DST: variants seen among roughly 807,000 people sequenced by gnomAD.
DST encodes dystonin.
Under a neutral mutation model 875.2 loss-of-function variants are expected in DST, and 253 were observed. The observed-to-expected ratio is 0.29, with a 90% confidence interval of 0.26 to 0.32. The LOEUF is 0.32. Ranked by LOEUF, DST falls within the 10% of genes least tolerant of loss-of-function variation. DST has a pLI of 1.00. For missense variants in DST, 8,287 were observed against 9,111.6 expected, an observed-to-expected ratio of 0.91 and a Z score of 3.68; for synonymous variants, 3,124 against 3,197.1, an observed-to-expected ratio of 0.98 and a Z score of 0.77.
At chr6:56,618,040 C>G in intron 36 of DST, 1 of 1,614,132 alleles carries the variant, frequency 6.2e-7, no homozygotes, top group Non-Finnish European at 8.5e-7. Context: ...TATCTTGATA[C>G]CTAACAGGTG....
chr6:56,531,488 C>A (rs2096894724), intron 64 of DST, among the ~76,000 whole-genome samples: 1 of 152,148 alleles, frequency 6.6e-6, no homozygotes, highest in Non-Finnish European at 1.5e-5. Flanking sequence ...AGATTTTTCA[C>A]CTCTTTGGGA....
chr6:56,808,151 C>T (rs1036259029), intron 4 of DST, among the ~76,000 whole-genome samples: 3 of 152,048 alleles, frequency 2.0e-5, no homozygotes, highest in African/African-American at 4.8e-5. Flanking sequence ...TGAGCTATGA[C>T]GTCATCCAAG....
intron 22 of DST, among the ~76,000 whole-genome samples, chr6:56,636,955 C>T (rs774088229): frequency 4.6e-5 from 7 of 152,086 alleles, no homozygotes; most frequent in South Asian, 2.1e-4. Context: ...TGGTGGCACG[C>T]GCCTGTGATC....
chr6:56,769,817 C>T (rs1402158831), intron 4 of DST, among the ~76,000 whole-genome samples: 1 of 152,146 alleles, frequency 6.6e-6, no homozygotes, highest in Admixed American at 6.6e-5. Flanking sequence ...CAAGTTGAGA[C>T]CCCGTTTCAC....
chr6:56,611,259 T>C (rs947521655), intron 38 of DST, among the ~76,000 whole-genome samples: 2 of 152,190 alleles, frequency 1.3e-5, no homozygotes, highest in African/African-American at 4.8e-5. Flanking sequence ...TGCTATTAAT[T>C]CTTACCTCTC....
intron 55 of DST, among the ~76,000 whole-genome samples, chr6:56,565,111 T>C (rs2097645605): frequency 6.6e-6 from 1 of 150,952 alleles, no homozygotes; most frequent in South Asian, 2.1e-4. Context: ...CTTTCTCTTT[T>C]CTTTTTTTTT....
At chr6:56,857,931 G>T (rs1768817586) in intron 3 of DST, among the ~76,000 whole-genome samples, 1 of 152,188 alleles carries the variant, frequency 6.6e-6, no homozygotes, top group Non-Finnish European at 1.5e-5. Context: ...ACTCCTTGAA[G>T]AAAAAATGAG....
Position 56,604,675 on chromosome 6 carries a change from T to C in DST, c.9953A>G (p.Asn3318Ser), listed in dbSNP as rs2098478172. The C allele has an allele frequency of 1.2e-6, 2 of 1,611,774 alleles. No homozygotes were observed. Among genetic ancestry groups the C allele is most frequent in the Non-Finnish European group, 1.7e-6 (2 of 1,178,586 alleles). ...CTGTTGCTCAATTCTTTCTTTCTTA[T>C]TATTAATTTCTAAGAATGAATAGTC... Reference protein sequence around the residue: ...NTDYSFLEINNKKERIEQQLP... With the variant: ...NTDYSFLEINSKKERIEQQLP... The change falls in exon 40 of 104, where the codon AAT (asparagine) becomes AGT (serine). Residue 3318 changes from asparagine (N) to serine (S), a missense_variant. Asn to Ser is a conservative substitution (Grantham distance 46). Around this residue, in one of 10 missense-constraint regions of DST, gnomAD observed 3,138 missense variants for 3,116.6 expected, o/e 1.01. Transcript: ENST00000680361.
At chr6:56,820,239 A>G (rs922985051) in intron 4 of DST, among the ~76,000 whole-genome samples, 1 of 152,256 alleles carries the variant, frequency 6.6e-6, no homozygotes, top group African/African-American at 2.4e-5. Context: ...TGCTTTGAGG[A>G]TGACATAATT....
chr6:56,662,651 CT>C (rs1237997470), intron 10 of DST, among the ~76,000 whole-genome samples: 1 of 152,000 alleles, frequency 6.6e-6, no homozygotes, highest in Non-Finnish European at 1.5e-5. Context: ...CTATAAAGAT[CT>C]TTTTTGGCCG....
chr6:56,731,171 G>A (rs1463476139), intron 5 of DST, among the ~76,000 whole-genome samples: 1 of 152,098 alleles, frequency 6.6e-6, no homozygotes. Flanking sequence ...AGGGCTAGGT[G>A]TCATCCACTG....
At chr6:56,843,230 C>T in intron 4 of DST, 1 of 1,335,954 alleles carries the variant, frequency 7.5e-7, no homozygotes. Context: ...CAAGACACAG[C>T]CTTGGGAACT....
intron 23 of DST, among the ~76,000 whole-genome samples, chr6:56,636,269 A>C (rs542370972): frequency 2.7e-4 from 39 of 146,624 alleles, no homozygotes; most frequent in African/African-American, 8.3e-4. Context: ...CACACACACA[A>C]ACACACACAC....
chr6:56,519,190 C>T (rs985004143), intron 69 of DST, among the ~76,000 whole-genome samples: 1 of 152,150 alleles, frequency 6.6e-6, no homozygotes, highest in Non-Finnish European at 1.5e-5. Flanking sequence ...CCACACAACA[C>T]TAAACGGGTA....
intron 76 of DST, 54 bp from the exon 77 acceptor site, chr6:56,506,598 C>T: frequency 6.2e-7 from 1 of 1,607,506 alleles, no homozygotes; most frequent in Non-Finnish European, 8.5e-7. Context: ...CTTTCAACTA[C>T]TGTTAACAAA....
At chr6:56,528,769 C>T in intron 67 of DST, 72 bp downstream of exon 67, 1 of 1,116,120 alleles carries the variant, frequency 9.0e-7, no homozygotes, top group Non-Finnish European at 1.3e-6. Flanking sequence ...TGGTTTTTTC[C>T]CATCCCTAAA....
intron 8 of DST, among the ~76,000 whole-genome samples, chr6:56,700,219 G>A (rs1254348214): frequency 6.6e-6 from 1 of 152,136 alleles, no homozygotes; most frequent in African/African-American, 2.4e-5. Flanking sequence ...GTTTCATGCT[G>A]AAACAACCCC....
intron 4 of DST, among the ~76,000 whole-genome samples, chr6:56,783,549 C>G (rs1249288766): frequency 6.6e-6 from 1 of 152,144 alleles, no homozygotes. Context: ...ATTGCAGCCC[C>G]TGCCTTTTTT....
intron 4 of DST, among the ~76,000 whole-genome samples, chr6:56,758,098 A>T (rs1348807614): frequency 6.6e-6 from 1 of 152,234 alleles, no homozygotes; most frequent in East Asian, 1.9e-4. Context: ...CAACTGTAGC[A>T]GAAACTTTTC....
Sources: allele counts gnomAD v4.1 joint callset (sites outside exome capture counted in the v4.1 genomes callset), GRCh38; gene constraint gnomAD v4.1.1; regional missense constraint gnomAD v4.1.1; transcripts MANE v1.5; gene names NCBI Gene and HGNC (gene_info 2026-07-23, HGNC 2026-07-21).